Variants in LRP1B observed in about 807,000 individuals in gnomAD.
LRP1B encodes the protein low-density lipoprotein receptor-related protein 1B.
In LRP1B, 217 loss-of-function variants were observed where a neutral mutation model predicts 556.6. The ratio of observed to expected loss-of-function variants is 0.39; its 90% confidence interval spans 0.35 to 0.44. The LOEUF is 0.44. LRP1B is among the 20% of genes least tolerant of loss of function. The pLI is 1.00. For synonymous variants in LRP1B, 2,047 were observed against 1,865.8 expected (o/e 1.10, Z -2.50); for missense variants, 5,053 against 5,620.8 (o/e 0.90, Z 3.23).
chr2:140,717,194 C>A (rs556934831), intron 35 of LRP1B, among the ~76,000 whole-genome samples: 1 of 151,974 alleles, frequency 6.6e-6, no homozygotes, highest in Non-Finnish European at 1.5e-5. Context: ...CACAGCTATA[C>A]CTATGTCTGA....
At chr2:140,686,427 A>G (rs1334153703) in intron 41 of LRP1B, among the ~76,000 whole-genome samples, 1 of 152,078 alleles carries the variant, frequency 6.6e-6, no homozygotes, top group East Asian at 1.9e-4. Context: ...GTGAAGATTG[A>G]TAAGAAAAGT....
intron 1 of LRP1B, among the ~76,000 whole-genome samples, chr2:142,064,319 A>C (rs1361062563): frequency 2.0e-5 from 3 of 151,638 alleles, no homozygotes; most frequent in Non-Finnish European, 4.4e-5. Flanking sequence ...TATCAGAGTT[A>C]GAAAATTCAA....
intron 35 of LRP1B, among the ~76,000 whole-genome samples, chr2:140,739,374 A>C (rs1688060189): frequency 7.0e-6 from 1 of 143,552 alleles, no homozygotes; most frequent in African/African-American, 2.6e-5. Context: ...AAAAAAAAAA[A>C]AATGACAGAA....
At position 140,767,482 on chromosome 2, in the gene LRP1B, C is replaced by T. The variant is rs183088659; in HGVS notation, c.5758+1731G>A. Among the ~76,000 whole-genome samples the T allele has an allele frequency of 1.6e-4, 24 of 152,004 alleles. No homozygotes were observed. The East Asian group carries it at 4.4e-3, about 28-fold the overall frequency. On this transcript the variant is annotated intron_variant, in intron 35 of 90. Transcript: ENST00000389484. ...CTCTGCAAATAAACATATCCTCCAT[C>T]ATGGTACATGATATTAAACTTAACC... is the stretch of plus-strand genomic sequence containing the variant.
chr2:141,770,438 A>C (rs575271449), intron 2 of LRP1B, among the ~76,000 whole-genome samples: 1 of 152,330 alleles, frequency 6.6e-6, no homozygotes, highest in African/African-American at 2.4e-5. Flanking sequence ...GTATTTAATA[A>C]TTGTGAACTA....
intron 2 of LRP1B, among the ~76,000 whole-genome samples, chr2:141,641,576 A>G (rs1042293603): frequency 7.2e-5 from 11 of 152,176 alleles, no homozygotes; most frequent in Non-Finnish European, 1.3e-4. Context: ...CTTAAATGCA[A>G]TGCTATAACT....
At chr2:141,383,964 T>C (rs1350346771) in intron 3 of LRP1B, among the ~76,000 whole-genome samples, 1 of 152,168 alleles carries the variant, frequency 6.6e-6, no homozygotes, top group Non-Finnish European at 1.5e-5. Context: ...AATGACATTC[T>C]ATACGTAAAA....
At chr2:141,980,486 C>G (rs1443864707) in intron 1 of LRP1B, among the ~76,000 whole-genome samples, 1 of 151,956 alleles carries the variant, frequency 6.6e-6, no homozygotes, top group African/African-American at 2.4e-5. Flanking sequence ...AGAGATTTAC[C>G]CCTCTCCCCA....
chr2:141,261,686 G>A (rs535828396), intron 3 of LRP1B, among the ~76,000 whole-genome samples: 1 of 151,888 alleles, frequency 6.6e-6, no homozygotes, highest in African/African-American at 2.4e-5. Context: ...GTTAGTATTA[G>A]GTAGTTCATC....
intron 1 of LRP1B, among the ~76,000 whole-genome samples, chr2:141,906,110 T>C (rs1282947036): frequency 6.6e-6 from 1 of 151,350 alleles, no homozygotes; most frequent in East Asian, 1.9e-4. Flanking sequence ...GAATTTAAAA[T>C]AGAACTGTAT....
chr2:140,690,915 A>C (rs2105398481), intron 41 of LRP1B, among the ~76,000 whole-genome samples: 1 of 152,286 alleles, frequency 6.6e-6, no homozygotes, highest in South Asian at 2.1e-4. Context: ...TTAGCTAATA[A>C]ATGTAGATGA....
chr2:140,391,437 G>C (rs1015566222), intron 66 of LRP1B, among the ~76,000 whole-genome samples: 1 of 152,104 alleles, frequency 6.6e-6, no homozygotes, highest in African/African-American at 2.4e-5. Flanking sequence ...AAAAGTTTCT[G>C]TATCTTGTTT....
chr2:140,364,895 T>C (rs1008861132), intron 71 of LRP1B, 112 bp from the exon 72 acceptor site: 7 of 785,998 alleles, frequency 8.9e-6, no homozygotes, highest in African/African-American at 1.8e-5. Flanking sequence ...TGCTTCCATA[T>C]ATGTATTATA....
Position 141,936,357 on chromosome 2 carries a change from A to C in LRP1B, c.83-125956T>G, listed in dbSNP as rs145064945. The stretch of plus-strand genomic sequence containing the variant: ...ATAAACTAGTTTAATGATCACAATA[A>C]ATATGATAGTTTACCAGGATTGAGA... On this transcript the variant is annotated intron_variant, in intron 1 of 90. Coordinates refer to ENST00000389484, the MANE Select transcript of LRP1B (RefSeq NM_018557.3). 2.7e-3 allele frequency among the ~76,000 whole-genome samples: 416 copies of C among 152,322 alleles called. 2 individuals are homozygous for C. The highest frequency in any genetic ancestry group is 9.4e-3 in the African/African-American group (392 of 41,578).
intron 2 of LRP1B, among the ~76,000 whole-genome samples, chr2:141,514,163 T>C (rs1684226608): frequency 6.6e-6 from 1 of 152,120 alleles, no homozygotes; most frequent in African/African-American, 2.4e-5. Flanking sequence ...TCAACCCTCA[T>C]GGACTACACT....
At chr2:140,477,518 GA>G (rs1405827731) in intron 59 of LRP1B, among the ~76,000 whole-genome samples, 1 of 151,974 alleles carries the variant, frequency 6.6e-6, no homozygotes, top group Non-Finnish European at 1.5e-5. Flanking sequence ...TCTCAGAAGT[GA>G]AAAAGGGTTT....
rs763500526 is a variant in LRP1B, at chr2:140,701,767, T to C, written c.6381A>G (p.Gly2127=). 8.1e-6 allele frequency: 13 copies of C among 1,613,126 alleles called. No homozygotes were observed. The highest frequency in any genetic ancestry group is 1.1e-5 in the Non-Finnish European group (13 of 1,179,356). The change falls in exon 40 of 91, where the codon GGA becomes GGG. Residue 2127 remains glycine, a synonymous_variant. Coordinates refer to ENST00000389484, the MANE Select transcript of LRP1B (RefSeq NM_018557.3). ...ATATTTTAACCTCCTTCAGGTTGAC[T>C]CCAAGGCCGGTTCTCATGGTTATCG... The part of the protein sequence containing the change: ...TETITMRTGL[G]VNLKEVKIFN...
chr2:141,874,582 T>C (rs2104880502), intron 1 of LRP1B, among the ~76,000 whole-genome samples: 1 of 151,952 alleles, frequency 6.6e-6, no homozygotes, highest in Non-Finnish European at 1.5e-5. Context: ...AAAAGAGAAA[T>C]AAATGTTTTG....
At chr2:141,623,428 C>T (rs1027554974) in intron 2 of LRP1B, among the ~76,000 whole-genome samples, 11 of 152,110 alleles carry the variant, frequency 7.2e-5, no homozygotes, top group African/African-American at 2.4e-4. Flanking sequence ...CAAAGAAGTG[C>T]TTTCTTATGA....
Sources: allele counts gnomAD v4.1 joint callset (sites outside exome capture counted in the v4.1 genomes callset), GRCh38; gene constraint gnomAD v4.1.1; transcripts MANE v1.5; gene names NCBI Gene and HGNC (gene_info 2026-07-23, HGNC 2026-07-21).